INPP4B: variants seen among roughly 807,000 people sequenced by gnomAD.
The protein encoded by INPP4B is inositol polyphosphate 4-phosphatase type II.
Under a neutral mutation model 122.5 loss-of-function variants are expected in INPP4B, and 55 were observed. The ratio of observed to expected loss-of-function variants is 0.45; its 90% CI spans 0.36 to 0.56. The LOEUF (loss-of-function observed/expected upper bound fraction) is 0.56. INPP4B is among the 20% of genes least tolerant of loss of function. The pLI, the probability that INPP4B is intolerant of heterozygous loss-of-function variation, is 0.00. For missense variants in INPP4B, 1,000 were observed against 1,097.7 expected (o/e 0.91, Z 1.26); for synonymous variants, 403 against 388.7 (o/e 1.04, Z -0.43).
At position 142,520,725 on chromosome 4, in the gene INPP4B, G is replaced by T. The variant is rs958979272; in HGVS notation, c.-190-57999C>A. ...GAAATTATTGATGATATAATTCTGA[G>T]AAATCTGATGCACTGAATTTTATCT... On this transcript the variant is annotated intron_variant, in intron 2 of 25. Coordinates refer to ENST00000262992, the MANE Select transcript of INPP4B (RefSeq NM_001101669.3). Among the ~76,000 whole-genome samples, 4 of 151,866 alleles carry T rather than the reference G, an allele frequency of 2.6e-5. No individual in the cohort carries two copies. The East Asian group carries it at 7.7e-4, about 29-fold the overall frequency.
In INPP4B at chr4:142,188,518, A is replaced by AATAT. The variant is rs1834283430; in HGVS notation, c.1181+4565_1181+4568dup. On this transcript the variant is annotated intron_variant, in intron 15 of 25. Coordinates refer to ENST00000262992, the MANE Select transcript of INPP4B (RefSeq NM_001101669.3). The stretch of plus-strand genomic sequence containing the variant: ...AAAAAAAAAAAAAAAAAAGAAAAAA[A>AATAT]ATATATATAGCTTGACTTATGAGTT... Among the ~76,000 whole-genome samples, 10 of 105,124 alleles carry AATAT rather than the reference A, an allele frequency of 9.5e-5. 1 individual carries two copies. Among genetic ancestry groups the AATAT allele is most frequent in the South Asian group, 3.2e-4 (1 of 3,096 alleles). The allele number at this position is 105,124 out of a possible 152,430, so 69.0% of individuals were successfully genotyped here. A position where few individuals can be genotyped will look rare whatever the true frequency, so the allele number is the denominator to read the frequency against.
chr4:142,293,239 C>T (rs112570754), intron 9 of INPP4B, among the ~76,000 whole-genome samples: 42 of 152,034 alleles, frequency 2.8e-4, no homozygotes, highest in African/African-American at 9.2e-4. Flanking sequence ...GGGGTTTCAC[C>T]ATGTTGGCCA....
intron 12 of INPP4B, among the ~76,000 whole-genome samples, chr4:142,211,336 G>C (rs1844791820): frequency 6.6e-6 from 1 of 152,038 alleles, no homozygotes. Context: ...AAGATAACTT[G>C]GTTCATGAAA....
At chr4:142,515,168 G>A (rs1488836762) in intron 2 of INPP4B, among the ~76,000 whole-genome samples, 1 of 152,086 alleles carries the variant, frequency 6.6e-6, no homozygotes, top group Non-Finnish European at 1.5e-5. Flanking sequence ...ATTTAGTTAT[G>A]CCAAATTACT....
intron 2 of INPP4B, among the ~76,000 whole-genome samples, chr4:142,719,212 C>T (rs1028543810): frequency 6.6e-6 from 1 of 152,160 alleles, no homozygotes; most frequent in East Asian, 1.9e-4. Context: ...TAAGATCCAA[C>T]AAATTAGATT....
intron 2 of INPP4B, among the ~76,000 whole-genome samples, chr4:142,494,032 G>C (rs1016828897): frequency 1.3e-5 from 2 of 152,116 alleles, no homozygotes; most frequent in African/African-American, 4.8e-5. Flanking sequence ...AGGTCTGATG[G>C]TTTTATATGG....
intron 9 of INPP4B, among the ~76,000 whole-genome samples, chr4:142,281,046 C>A (rs1194246329): frequency 6.6e-6 from 1 of 151,832 alleles, no homozygotes; most frequent in Non-Finnish European, 1.5e-5. Context: ...CTAAAATTAT[C>A]ACATTTAGAC....
chr4:142,620,534 G>A (rs184767112), intron 2 of INPP4B, among the ~76,000 whole-genome samples: 12 of 151,954 alleles, frequency 7.9e-5, no homozygotes, highest in Admixed American at 7.2e-4. Context: ...AGTGAGGATC[G>A]ATAAACTACC....
rs142481190 is a variant in INPP4B, at chr4:142,532,488, C to T, written c.-190-69762G>A. 2.3e-3 allele frequency among the ~76,000 whole-genome samples: 349 copies of T among 152,184 alleles called. 1 individual carries two copies. The highest frequency in any genetic ancestry group is 8.1e-3 in the African/African-American group (337 of 41,540). On this transcript the variant is annotated intron_variant, in intron 2 of 25. Coordinates refer to ENST00000262992, the MANE Select transcript of INPP4B (RefSeq NM_001101669.3). The stretch of plus-strand genomic sequence containing the variant: ...TTTCCATTACATGCTCTGATCATCC[C>T]TGGCTTCCCTTTTTCATAGCACTCA...
Position 142,108,099 on chromosome 4 carries a change from G to T in INPP4B, c.2368C>A (p.Pro790Thr). 6.8e-7 allele frequency: 1 copy of T among 1,475,624 alleles called. No homozygotes were observed. Among genetic ancestry groups the T allele is most frequent in the Non-Finnish European group, 9.5e-7 (1 of 1,057,610 alleles). 91.4% of individuals were successfully genotyped at this position (1,475,624 alleles called of 1,614,324 possible). A position where few individuals can be genotyped will look rare whatever the true frequency, so the allele number is the denominator to read the frequency against. The change falls in exon 23 of 26, where the codon CCT becomes ACT. Residue 790 changes from proline (P) to threonine (T), a missense_variant. Physicochemically the swap from Pro to Thr is conservative, Grantham distance 38. Coordinates refer to ENST00000262992, the MANE Select transcript of INPP4B (RefSeq NM_001101669.3). Reference protein sequence around the residue: ...YYKIFMEKMPPDYISHFQEQN... With the variant: ...YYKIFMEKMPTDYISHFQEQN... ...CTCTAACTCACATACTTACAATCAG[G>T]AGGCATCTTTTCCATAAATATCTTG...
At chr4:142,327,646 C>A (rs1772928201) in intron 7 of INPP4B, among the ~76,000 whole-genome samples, 1 of 152,130 alleles carries the variant, frequency 6.6e-6, no homozygotes, top group Non-Finnish European at 1.5e-5. Flanking sequence ...ACTTTAGAAT[C>A]ACCTGAAGAA....
chr4:142,642,027 G>C (rs1301343198), intron 2 of INPP4B, among the ~76,000 whole-genome samples: 1 of 152,202 alleles, frequency 6.6e-6, no homozygotes, highest in Non-Finnish European at 1.5e-5. Context: ...GTGATGATGA[G>C]CATTTTTTTC....
chr4:142,774,726 CT>C (rs1042068259), intron 1 of INPP4B, among the ~76,000 whole-genome samples: 5 of 151,858 alleles, frequency 3.3e-5, no homozygotes, highest in Admixed American at 3.3e-4. Context: ...AATGAGTTCC[CT>C]ATTTTGAAAC....
intron 7 of INPP4B, among the ~76,000 whole-genome samples, chr4:142,334,317 T>C (rs1775770258): frequency 6.6e-6 from 1 of 152,192 alleles, no homozygotes; most frequent in South Asian, 2.1e-4. Flanking sequence ...TGTATATAGC[T>C]CTCTCACAAT....
intron 2 of INPP4B, among the ~76,000 whole-genome samples, chr4:142,654,831 G>A (rs920550702): frequency 6.6e-6 from 1 of 152,178 alleles, no homozygotes; most frequent in Non-Finnish European, 1.5e-5. Context: ...AGTAAATAAG[G>A]TGCAGATCCT....
chr4:142,762,618 C>T (rs1031290790), intron 1 of INPP4B, among the ~76,000 whole-genome samples: 4 of 152,150 alleles, frequency 2.6e-5, no homozygotes, highest in Non-Finnish European at 5.9e-5. Flanking sequence ...TAACCCATTG[C>T]AGTACACTTT....
intron 1 of INPP4B, among the ~76,000 whole-genome samples, chr4:142,741,033 A>G (rs1767823512): frequency 1.3e-5 from 2 of 152,036 alleles, no homozygotes; most frequent in Admixed American, 6.6e-5. Flanking sequence ...AGCAACAAAC[A>G]CTAGAATTTG....
At chr4:142,364,454 G>A (rs1333832324) in intron 7 of INPP4B, among the ~76,000 whole-genome samples, 2 of 152,038 alleles carry the variant, frequency 1.3e-5, no homozygotes, top group South Asian at 2.1e-4. Context: ...GGATCTAAGA[G>A]AATCCCTAAT....
chr4:142,278,807 A>G (rs1431291510), intron 9 of INPP4B, among the ~76,000 whole-genome samples: 1 of 151,934 alleles, frequency 6.6e-6, no homozygotes, highest in East Asian at 1.9e-4. Context: ...GCTCACCCAA[A>G]GTTGTGCATG....
Sources: gnomAD v4.1 joint callset for allele counts (sites outside exome capture counted in the v4.1 genomes callset) on GRCh38, gnomAD v4.1.1 for gene constraint, MANE v1.5 for transcripts, NCBI Gene and HGNC (gene_info 2026-07-23, HGNC 2026-07-21) for gene names.